The following FRMPD3 variants were observed in gnomAD, a reference collection of about 807,000 sequenced individuals.
FRMPD3 encodes FERM and PDZ domain-containing protein 3.
In FRMPD3, 42 loss-of-function variants were observed where a neutral mutation model predicts 97.9. The observed-to-expected ratio is 0.43, with a 90% CI of 0.34 to 0.55. The LOEUF (loss-of-function observed/expected upper bound fraction) is 0.55. Ranked by LOEUF, FRMPD3 falls within the 20% of genes least tolerant of loss-of-function variation. The pLI is 0.03. For synonymous variants in FRMPD3, 577 were observed against 581.1 expected, an observed-to-expected ratio of 0.99 and a Z score of 0.10; for missense variants, 1,303 against 1,457.7, an observed-to-expected ratio of 0.89 and a Z score of 1.73.
chrX:107,576,570 G>A, intron 13 of FRMPD3, 111 bp downstream of exon 13: 1 of 868,006 alleles, frequency 1.2e-6, no homozygotes, highest in South Asian at 2.4e-5. Context: ...AACAGTGCCT[G>A]ATTTGCCAGG....
At chrX:107,547,563 A>G (rs1921668818) in intron 5 of FRMPD3, among the ~76,000 whole-genome samples, 1 of 111,985 alleles carries the variant, frequency 8.9e-6, no homozygotes, top group East Asian at 2.8e-4. Context: ...GCCACCAGGC[A>G]TAGTGTGAGG....
intron 1 of FRMPD3, among the ~76,000 whole-genome samples, chrX:107,496,654 G>A (rs1921781841): frequency 8.9e-6 from 1 of 112,053 alleles, no homozygotes; most frequent in African/African-American, 3.2e-5. Flanking sequence ...AGCGCTCTGA[G>A]TTCTAGGTGG....
At position 107,600,289 on chromosome X, in the gene FRMPD3, C is replaced by T; in HGVS notation, c.2264-14C>T. On this transcript the variant is annotated splice_polypyrimidine_tract_variant and intron_variant, in intron 14 of 14. Coordinates refer to ENST00000683843, the MANE Select transcript of FRMPD3 (RefSeq NM_001388459.1). ...TTTCAGTAAGCATAACAAGCCCTAT[C>T]CCTGTTCCTCCAGGTCTGATTGTGC... is the stretch of plus-strand genomic sequence containing the variant. The T allele has an allele frequency of 3.4e-6, 4 of 1,193,174 alleles. No individual in the cohort carries two copies. Among genetic ancestry groups the T allele is most frequent in the Non-Finnish European group, 3.4e-6 (3 of 885,072 alleles).
chrX:107,505,639 G>A (rs748924803), intron 1 of FRMPD3, among the ~76,000 whole-genome samples: 1 of 112,808 alleles, frequency 8.9e-6, no homozygotes, highest in African/African-American at 3.2e-5. Flanking sequence ...AAAGAAATAC[G>A]AGTTCTAAAA....
intron 1 of FRMPD3, among the ~76,000 whole-genome samples, chrX:107,461,566 C>G (rs1323966170): frequency 9.0e-6 from 1 of 110,783 alleles, no homozygotes; most frequent in African/African-American, 3.3e-5. Flanking sequence ...TAACTGGTCT[C>G]TCTGCATTCA....
chrX:107,538,074 T>C (rs192874143), intron 4 of FRMPD3, among the ~76,000 whole-genome samples: 3 of 111,686 alleles, frequency 2.7e-5, no homozygotes, highest in East Asian at 5.6e-4. Flanking sequence ...GGTTTGAATC[T>C]TGACTCTGGC....
At chrX:107,589,099 A>G (rs1923793151) in intron 13 of FRMPD3, among the ~76,000 whole-genome samples, 2 of 110,955 alleles carry the variant, frequency 1.8e-5, no homozygotes, top group African/African-American at 6.6e-5. Flanking sequence ...ATCATCCTCC[A>G]TCCAGTTCTG....
chrX:107,539,718 T>C (rs1018155221), intron 4 of FRMPD3, among the ~76,000 whole-genome samples: 1 of 111,846 alleles, frequency 8.9e-6, no homozygotes, highest in African/African-American at 3.3e-5. Flanking sequence ...AATTCATTAC[T>C]AATTTTAGCA....
intron 1 of FRMPD3, among the ~76,000 whole-genome samples, chrX:107,463,614 G>A (rs1417597087): frequency 8.9e-6 from 1 of 112,538 alleles, no homozygotes; most frequent in African/African-American, 3.2e-5. Flanking sequence ...ACAAGGGCAG[G>A]AACATGTTGT....
chrX:107,512,432 C>T (rs1465602120), intron 1 of FRMPD3, among the ~76,000 whole-genome samples: 1 of 112,155 alleles, frequency 8.9e-6, no homozygotes, highest in African/African-American at 3.2e-5. Context: ...TGCATAGCTT[C>T]TGCAGTGCTT....
chrX:107,569,889 G>A (rs1050295607), intron 12 of FRMPD3, among the ~76,000 whole-genome samples: 4 of 110,138 alleles, frequency 3.6e-5, no homozygotes, highest in Non-Finnish European at 5.7e-5. Context: ...GGTGGCTTGC[G>A]CCTGTAATCC....
intron 13 of FRMPD3, among the ~76,000 whole-genome samples, chrX:107,591,173 T>C (rs1319721403): frequency 9.1e-6 from 1 of 109,937 alleles, no homozygotes; most frequent in East Asian, 2.8e-4. Context: ...TTTTTTTTTT[T>C]TGAGATGGCG....
intron 1 of FRMPD3, among the ~76,000 whole-genome samples, chrX:107,483,500 GC>G (rs767936204): frequency 1.8e-5 from 2 of 112,049 alleles, no homozygotes; most frequent in East Asian, 5.7e-4. Flanking sequence ...GAGCACAAAA[GC>G]AGAAAATCCA....
intron 1 of FRMPD3, among the ~76,000 whole-genome samples, chrX:107,476,237 T>C (rs1312715404): frequency 8.9e-6 from 1 of 112,641 alleles, no homozygotes; most frequent in African/African-American, 3.2e-5. Context: ...AAATGTGGAC[T>C]GAACTCAGAC....
intron 1 of FRMPD3, among the ~76,000 whole-genome samples, chrX:107,472,993 G>C (rs1400169043): frequency 8.9e-6 from 1 of 112,405 alleles, no homozygotes; most frequent in Non-Finnish European, 1.9e-5. Flanking sequence ...CAGCCCAAAA[G>C]GGGCAGGTCT....
In FRMPD3 at chrX:107,456,260, C is replaced by T. The variant is rs182702113; in HGVS notation, c.-8+6255C>T. Among the ~76,000 whole-genome samples the T allele has an allele frequency of 4.7e-3, 521 of 110,405 alleles. 3 individuals carry two copies. Among genetic ancestry groups the T allele is most frequent in the Non-Finnish European group, 7.8e-3 (413 of 52,789 alleles). On this transcript the variant is annotated intron_variant, in intron 1 of 14. Coordinates refer to ENST00000683843, the MANE Select transcript of FRMPD3 (RefSeq NM_001388459.1). ...GTGTTGCCTAACCTGGTCTCCAATTCCTGGGCTCAAGCAATCCTCCCACTT... is the reference window on the plus strand; with the variant it reads ...GTGTTGCCTAACCTGGTCTCCAATTTCTGGGCTCAAGCAATCCTCCCACTT...
intron 1 of FRMPD3, among the ~76,000 whole-genome samples, chrX:107,496,807 C>G (rs1326043010): frequency 8.9e-6 from 1 of 112,104 alleles, no homozygotes; most frequent in Non-Finnish European, 1.9e-5. Flanking sequence ...CTGAAAAAGC[C>G]ACAGCCACCT....
chrX:107,491,836 T>A (rs1489732167), intron 1 of FRMPD3, among the ~76,000 whole-genome samples: 2 of 112,063 alleles, frequency 1.8e-5, no homozygotes, highest in East Asian at 5.6e-4. Context: ...ACAAATACAG[T>A]AGCTGAAACC....
At chrX:107,528,195 T>C (rs1161073341) in intron 2 of FRMPD3, among the ~76,000 whole-genome samples, 2 of 111,847 alleles carry the variant, frequency 1.8e-5, no homozygotes, top group Non-Finnish European at 3.8e-5. Context: ...AGCTGATCCG[T>C]AGTGCTGCTT....
Sources: gnomAD v4.1 joint callset for allele counts (sites outside exome capture counted in the v4.1 genomes callset) on GRCh38, gnomAD v4.1.1 for gene constraint, MANE v1.5 for transcripts, NCBI Gene and HGNC (gene_info 2026-07-23, HGNC 2026-07-21) for gene names.